The following RPS5 variants were observed in gnomAD, a reference collection of about 807,000 sequenced individuals.
RPS5 encodes the protein small ribosomal subunit protein uS7.
In RPS5, 2 loss-of-function variants were observed where a neutral mutation model predicts 20.9. That is an observed-to-expected ratio of 0.10 (90% confidence interval 0.04 to 0.30). RPS5 has a LOEUF of 0.30. Ranked by LOEUF, RPS5 falls within the 10% of genes least tolerant of loss-of-function variation. The pLI is 1.00. For synonymous variants in RPS5, 112 were observed against 105.8 expected (o/e 1.06, Z -0.36); for missense variants, 122 against 287.2 (o/e 0.42, Z 4.16).
chr19:58,392,330 GAAAAA>G (rs113119710), intron 2 of RPS5, among the ~76,000 whole-genome samples: 4 of 138,868 alleles, frequency 2.9e-5, no homozygotes, highest in African/African-American at 5.0e-5. Flanking sequence ...TCAAGGGGGG[GAAAAA>G]AAAAACTAGG....
rs143265869 is a variant in RPS5 at position 58,391,635 on chromosome 19, A to G, written c.109-1341A>G. ...AACAAACAAAAAACCCAAAAACAAA[A>G]AAGTTCTCAGCCAGGTGCAGTGGCT... On this transcript the variant is annotated intron_variant, in intron 2 of 5. Transcript: ENST00000196551. Among the ~76,000 whole-genome samples, 149 of 151,318 alleles carry G rather than the reference A, an allele frequency of 9.8e-4. 1 individual carries two copies. Among genetic ancestry groups the G allele is most frequent in the African/African-American group, 3.3e-3 (138 of 41,228 alleles).
At position 58,393,180 on chromosome 19, in the gene RPS5, G is replaced by A; in HGVS notation, c.313G>A (p.Gly105Ser). ...CTTCGAGATCATACACCTGCTCACA[G>A]GCGAGGTAGGGCTCTGTGGCCTGGT... ...HAFEIIHLLT[G>S]ENPLQVLVNA... The change falls in exon 3 of 6, where the codon GGC becomes AGC. Residue 105 changes from glycine (G) to serine (S), a missense_variant. Physicochemically the swap from Gly to Ser is moderately conservative, Grantham distance 56. Coordinates refer to ENST00000196551, the MANE Select transcript of RPS5 (RefSeq NM_001009.4). The A allele has an allele frequency of 6.2e-7, 1 of 1,614,218 alleles. No homozygotes were observed. The highest frequency in any genetic ancestry group is 8.5e-7 in the Non-Finnish European group (1 of 1,180,038).
chr19:58,390,708 A>G (rs774850576), intron 2 of RPS5, among the ~76,000 whole-genome samples: 2 of 152,164 alleles, frequency 1.3e-5, no homozygotes, highest in Non-Finnish European at 2.9e-5. Flanking sequence ...CTAGGGAAAT[A>G]AACATCAATG....
intron 2 of RPS5, among the ~76,000 whole-genome samples, chr19:58,392,217 A>G (rs769763347): frequency 7.9e-5 from 12 of 151,770 alleles, no homozygotes; most frequent in Non-Finnish European, 1.6e-4. Context: ...CCAGCTACTC[A>G]GGAGGCTGAG....
intron 5 of RPS5, 34 bp downstream of exon 5, chr19:58,394,629 G>A: frequency 6.2e-7 from 1 of 1,613,914 alleles, no homozygotes; most frequent in Middle Eastern, 1.6e-4. Flanking sequence ...GGGGTCTTAA[G>A]TTGGGCATTT....
chr19:58,394,303 G>T (rs1244521592), intron 4 of RPS5, 194 bp from the exon 5 acceptor site: 1 of 586,092 alleles, frequency 1.7e-6, no homozygotes, highest in African/African-American at 1.9e-5. Context: ...CGCAACTTCA[G>T]CCTGTGTGTG....
At chr19:58,394,455 C>A (rs1260909756) in intron 4 of RPS5, 42 bp from the exon 5 acceptor site, 1 of 1,575,178 alleles carries the variant, frequency 6.3e-7, no homozygotes, top group East Asian at 2.2e-5. Context: ...TGCTGGAGGA[C>A]CGCAGTCTGT....
intron 4 of RPS5, chr19:58,393,740 T>C (rs1342935865): frequency 6.9e-6 from 3 of 434,038 alleles, no homozygotes; most frequent in Admixed American, 7.9e-5. Context: ...ATATGTACTT[T>C]TTTTTTTTTT....
chr19:58,388,390 C>G (rs889636821), intron 2 of RPS5, 145 bp downstream of exon 2: 1 of 646,298 alleles, frequency 1.5e-6, no homozygotes, highest in East Asian at 2.7e-5. Flanking sequence ...CCACATCTAC[C>G]ACATCTGCTC....
chr19:58,393,623 A>AAG, intron 4 of RPS5, 136 bp downstream of exon 4: 1 of 1,163,238 alleles, frequency 8.6e-7, no homozygotes, highest in Non-Finnish European at 1.2e-6. Context: ...GCCTTCCTGG[A>AAG]TTCCCACCCT....
At chr19:58,394,181 C>G in intron 4 of RPS5, 1 of 319,340 alleles carries the variant, frequency 3.1e-6, no homozygotes, top group Non-Finnish European at 6.0e-6. Context: ...AAACTCCCTG[C>G]CAAAGTGTTC....
chr19:58,392,689 A>G (rs1371697436), intron 2 of RPS5, among the ~76,000 whole-genome samples: 2 of 151,596 alleles, frequency 1.3e-5, no homozygotes, highest in Non-Finnish European at 2.9e-5. Context: ...AGTGTGCAGG[A>G]CAGCCCCCCA....
At position 58,394,486 on chromosome 19, in the gene RPS5, T is replaced by C; in HGVS notation, c.448-11T>C. The stretch of plus-strand genomic sequence containing the variant: ...TCTGTCCTTCTAGCCTGACCCCTGC[T>C]GTCTTCCTAGGCCATCTGGCTGCTG... On this transcript the variant is annotated splice_polypyrimidine_tract_variant and intron_variant, in intron 4 of 5. Transcript: ENST00000196551. 2 of 1,613,070 alleles carry C rather than the reference T, an allele frequency of 1.2e-6. No homozygotes were observed. Among genetic ancestry groups the C allele is most frequent in the Non-Finnish European group, 1.7e-6 (2 of 1,179,294 alleles).
chr19:58,391,485 C>T (rs2052363440), intron 2 of RPS5, among the ~76,000 whole-genome samples: 1 of 149,202 alleles, frequency 6.7e-6, no homozygotes, highest in Non-Finnish European at 1.5e-5. Context: ...TGTCTGTAAT[C>T]CCAGCAACTT....
Position 58,391,347 on chromosome 19 carries a change from G to C in RPS5, c.109-1629G>C, listed in dbSNP as rs192529145. Reference sequence around the variant, plus strand: ...CTTAGGAGGCTGATGCAGGAGAATCGCTTGAACCTGGGAGGTGGAGGTTGG... The same window carrying C: ...CTTAGGAGGCTGATGCAGGAGAATCCCTTGAACCTGGGAGGTGGAGGTTGG... On this transcript the variant is annotated intron_variant, in intron 2 of 5. Coordinates refer to ENST00000196551, the MANE Select transcript of RPS5 (RefSeq NM_001009.4). Among the ~76,000 whole-genome samples, 118 of 148,382 alleles carry C rather than the reference G, an allele frequency of 8.0e-4. 1 individual carries two copies. The highest frequency in any genetic ancestry group is 2.8e-3 in the African/African-American group (112 of 39,626).
intron 2 of RPS5, among the ~76,000 whole-genome samples, chr19:58,391,432 C>CAAAAAAAAA (rs35576516): frequency 2.9e-4 from 22 of 75,978 alleles, no homozygotes; most frequent in African/African-American, 1.3e-3. Context: ...AACTCCATCT[C>CAAAAAAAAA]AAAAAAAAAA....
chr19:58,392,475 ACTAG>A (rs1006002118), intron 2 of RPS5, among the ~76,000 whole-genome samples: 8 of 150,696 alleles, frequency 5.3e-5, no homozygotes, highest in African/African-American at 2.0e-4. Flanking sequence ...ATACAAAAAA[ACTAG>A]CTAGGCTTGG....
At chr19:58,390,257 G>C (rs749884167) in intron 2 of RPS5, among the ~76,000 whole-genome samples, 1 of 149,750 alleles carries the variant, frequency 6.7e-6, no homozygotes, top group East Asian at 1.9e-4. Context: ...GCAGTGGTGC[G>C]ATCTCGGCTC....
At chr19:58,387,817 T>G in intron 1 of RPS5, 1 of 330,344 alleles carries the variant, frequency 3.0e-6, no homozygotes, top group Non-Finnish European at 5.7e-6. Context: ...ATCGCGAGAT[T>G]GTGGTTTGAA....
Sources: allele counts gnomAD v4.1 joint callset (sites outside exome capture counted in the v4.1 genomes callset), GRCh38; gene constraint gnomAD v4.1.1; transcripts MANE v1.5; gene names NCBI Gene and HGNC (gene_info 2026-07-23, HGNC 2026-07-21).